TMEM217B: variants seen among roughly 807,000 people sequenced by gnomAD.
The protein encoded by TMEM217B is transmembrane protein 217B.
chr6:37,215,306 A>T, the TMEM217B span: 1 of 1,608,822 alleles, frequency 6.2e-7, no homozygotes, highest in Non-Finnish European at 8.5e-7. Context: ...AAAACAAATG[A>T]ATAAAAATTG....
chr6:37,223,939 C>CT, the TMEM217B span, among the ~76,000 whole-genome samples: 987 of 144,266 alleles, frequency 6.8e-3, 7 homozygotes, highest in African/African-American at 0.017. Flanking sequence ...CTGCCTCAGC[C>CT]TTTTTTTTTT....
the TMEM217B span, chr6:37,257,904 C>T: frequency 1.2e-6 from 2 of 1,613,128 alleles, no homozygotes; most frequent in Non-Finnish European, 1.7e-6. Flanking sequence ...CAAGGACTTC[C>T]CCCGGCCAGA....
the TMEM217B span, among the ~76,000 whole-genome samples, chr6:37,254,838 G>A: frequency 2.0e-5 from 3 of 152,094 alleles, no homozygotes; most frequent in East Asian, 5.8e-4. Flanking sequence ...CCAGTTTCAG[G>A]GAAGACAACT....
chr6:37,219,209 G>T, the TMEM217B span, among the ~76,000 whole-genome samples: 1 of 152,158 alleles, frequency 6.6e-6, no homozygotes, highest in Non-Finnish European at 1.5e-5. Context: ...ATAGATTGGG[G>T]GTGGGGAAGA....
At chr6:37,252,527 T>C in the TMEM217B span, among the ~76,000 whole-genome samples, 1 of 151,412 alleles carries the variant, frequency 6.6e-6, no homozygotes, top group East Asian at 1.9e-4. Context: ...CACATGCATA[T>C]ATATGTCAAC....
At chr6:37,239,891 TAA>T in the TMEM217B span, among the ~76,000 whole-genome samples, 56 of 133,560 alleles carry the variant, frequency 4.2e-4, no homozygotes, top group Admixed American at 4.5e-4. Context: ...CCCAGCTCAT[TAA>T]AAAAAAAAAA....
chr6:37,219,930 T>C, the TMEM217B span, among the ~76,000 whole-genome samples: 1 of 152,190 alleles, frequency 6.6e-6, no homozygotes, highest in East Asian at 1.9e-4. Flanking sequence ...ATCGCTTCTC[T>C]ACTACATATC....
the TMEM217B span, among the ~76,000 whole-genome samples, chr6:37,241,274 C>T: frequency 6.6e-6 from 1 of 151,122 alleles, no homozygotes; most frequent in South Asian, 2.1e-4. Context: ...AACGGGGTCT[C>T]ACTATGTTGC....
At chr6:37,239,009 A>G in the TMEM217B span, among the ~76,000 whole-genome samples, 1 of 152,168 alleles carries the variant, frequency 6.6e-6, no homozygotes, top group Admixed American at 6.5e-5. Flanking sequence ...ACATGCCTGT[A>G]ATCCCAGCTA....
chr6:37,212,880 T>C, the TMEM217B span: 4 of 1,497,162 alleles, frequency 2.7e-6, no homozygotes, highest in African/African-American at 1.4e-5. Flanking sequence ...AGCAAATGTG[T>C]GTCTTCTGGT....
the TMEM217B span, among the ~76,000 whole-genome samples, chr6:37,252,832 GT>G: frequency 6.6e-6 from 1 of 151,424 alleles, no homozygotes; most frequent in South Asian, 2.1e-4. Context: ...TAGAGATGGG[GT>G]TTTGTCATGT....
chr6:37,234,831 C>T, the TMEM217B span, among the ~76,000 whole-genome samples: 1 of 152,014 alleles, frequency 6.6e-6, no homozygotes, highest in South Asian at 2.1e-4. Context: ...AAGTGGTTAC[C>T]TGTGAAAAGT....
the TMEM217B span, chr6:37,215,299 A>G: frequency 6.2e-7 from 1 of 1,608,830 alleles, no homozygotes; most frequent in Non-Finnish European, 8.5e-7. Context: ...AAATAAAAAA[A>G]CAAATGAATA....
chr6:37,222,212 G>C, the TMEM217B span, among the ~76,000 whole-genome samples: 1 of 152,222 alleles, frequency 6.6e-6, no homozygotes, highest in Non-Finnish European at 1.5e-5. Context: ...TGCAGGACTG[G>C]CGGCCTGGCC....
At chr6:37,236,583 T>C in the TMEM217B span, among the ~76,000 whole-genome samples, 1 of 152,208 alleles carries the variant, frequency 6.6e-6, no homozygotes, top group African/African-American at 2.4e-5. Context: ...CAGGCTTCAA[T>C]CTTGGCTTCA....
At chr6:37,237,571 G>A in the TMEM217B span, among the ~76,000 whole-genome samples, 1 of 152,148 alleles carries the variant, frequency 6.6e-6, no homozygotes, top group Non-Finnish European at 1.5e-5. Context: ...GAATGTAACA[G>A]AATTAGACCA....
chr6:37,234,833 G>C, the TMEM217B span, among the ~76,000 whole-genome samples: 3 of 152,134 alleles, frequency 2.0e-5, no homozygotes, highest in African/African-American at 7.2e-5. Flanking sequence ...GTGGTTACCT[G>C]TGAAAAGTAT....
the TMEM217B span, among the ~76,000 whole-genome samples, chr6:37,222,325 C>A: frequency 6.6e-6 from 1 of 152,220 alleles, no homozygotes; most frequent in Admixed American, 6.5e-5. Flanking sequence ...CATGGCCCCC[C>A]CAGGGCTCGA....
chr6:37,222,912 C>T, the TMEM217B span, among the ~76,000 whole-genome samples: 1 of 152,170 alleles, frequency 6.6e-6, no homozygotes, highest in South Asian at 2.1e-4. Flanking sequence ...GTAGCAGCCA[C>T]TGCCATTACT....
Sources: gnomAD v4.1 joint callset for allele counts (sites outside exome capture counted in the v4.1 genomes callset) on GRCh38, gnomAD v4.1.1 for gene constraint, MANE v1.5 for transcripts, NCBI Gene and HGNC (gene_info 2026-07-23, HGNC 2026-07-21) for gene names.